The following DNAH11 variants were observed in gnomAD, a reference collection of about 807,000 sequenced individuals.
DNAH11 encodes dynein axonemal heavy chain 11, also known as axonemal beta dynein heavy chain 11.
DNAH11 carries 442 observed loss-of-function variants against 526.0 expected under a neutral mutation model. That is an observed-to-expected ratio of 0.84 (90% CI 0.78 to 0.91). The LOEUF (loss-of-function observed/expected upper bound fraction) is 0.91. DNAH11 is among the 40% of genes least tolerant of loss of function. The probability of loss-of-function intolerance (pLI) is 0.00; values close to 1 mark genes in which losing one functional copy is unlikely to be tolerated. For synonymous variants in DNAH11, 2,461 were observed against 1,935.9 expected (o/e 1.27, Z -7.12); for missense variants, 6,989 against 5,448.7 (o/e 1.28, Z -8.90).
At chr7:21,627,103 G>T (rs113138509) in intron 25 of DNAH11, among the ~76,000 whole-genome samples, 5,089 of 152,174 alleles carry the variant, frequency 0.033, 293 homozygotes, top group African/African-American at 0.12. Flanking sequence ...TTTAAAATCA[G>T]ATTGGGGTTT....
intron 60 of DNAH11, 36 bp downstream of exon 60, chr7:21,787,619 C>T: frequency 6.5e-7 from 1 of 1,530,084 alleles, no homozygotes; most frequent in Non-Finnish European, 8.8e-7. Flanking sequence ...CAGATGTTCT[C>T]CACAAAGGGC....
At chr7:21,878,377 T>G (rs192418345) in intron 74 of DNAH11, among the ~76,000 whole-genome samples, 1 of 152,376 alleles carries the variant, frequency 6.6e-6, no homozygotes, top group East Asian at 1.9e-4. Flanking sequence ...GTGGACTATC[T>G]GTAATTCAGA....
chr7:21,710,536 A>G lies in DNAH11; in HGVS notation c.6684-17A>G. On this transcript the variant is annotated splice_polypyrimidine_tract_variant and intron_variant, in intron 40 of 81. Transcript: ENST00000409508. Reference sequence around the variant, plus strand: ...CTATCGTAGAAATAAACAGCACTCAACTACATTATATATTAGGATTGTTTA... The same window carrying G: ...CTATCGTAGAAATAAACAGCACTCAGCTACATTATATATTAGGATTGTTTA... 6.3e-7 allele frequency: 1 copy of G among 1,580,768 alleles called. No individual in the cohort carries two copies. Among genetic ancestry groups the G allele is most frequent in the Non-Finnish European group, 8.6e-7 (1 of 1,159,058 alleles).
At chr7:21,735,982 A>C in intron 46 of DNAH11, 138 bp downstream of exon 46, 1 of 827,018 alleles carries the variant, frequency 1.2e-6, no homozygotes, top group Admixed American at 3.1e-5. Context: ...TGTACTTATC[A>C]TCCTTGTTAA....
chr7:21,761,591 A>T (rs1449318149), intron 54 of DNAH11, among the ~76,000 whole-genome samples: 2 of 152,148 alleles, frequency 1.3e-5, no homozygotes, highest in Non-Finnish European at 2.9e-5. Context: ...CGCATTGCTG[A>T]GTCCCACCTC....
chr7:21,642,598 C>T (rs1787179250), intron 28 of DNAH11, among the ~76,000 whole-genome samples: 1 of 152,118 alleles, frequency 6.6e-6, no homozygotes, highest in African/African-American at 2.4e-5. Flanking sequence ...GATAACATGG[C>T]AACTGCAGCT....
chr7:21,561,339 A>G (rs1314707786), intron 5 of DNAH11, 169 bp downstream of exon 5: 1 of 557,466 alleles, frequency 1.8e-6, no homozygotes, highest in Non-Finnish European at 3.1e-6. Context: ...CTCCACCCAT[A>G]CTAAACTACT....
intron 56 of DNAH11, among the ~76,000 whole-genome samples, chr7:21,775,701 G>T (rs747284622): frequency 6.6e-6 from 1 of 151,828 alleles, no homozygotes. Flanking sequence ...CTCCATGTCA[G>T]TTTTCTTCTA....
chr7:21,587,421 A>AG (rs1784510656), intron 9 of DNAH11, among the ~76,000 whole-genome samples: 2 of 152,080 alleles, frequency 1.3e-5, no homozygotes, highest in Non-Finnish European at 2.9e-5. Context: ...TGATAATTTT[A>AG]GCCAGCATGG....
rs1422820467 is a variant in DNAH11 at position 21,707,503 on chromosome 7, CTGAG to C, written c.6547-194_6547-191del. On this transcript the variant is annotated intron_variant, in intron 39 of 81. Transcript: ENST00000409508. ...AGTCAAGTGAACTGATTCTGTCTTGCTGAGTATTTGTAAGATGAAGCTTTTCAAG... is the reference window on the plus strand; with the variant it reads ...AGTCAAGTGAACTGATTCTGTCTTGCTATTTGTAAGATGAAGCTTTTCAAG... Among the ~76,000 whole-genome samples, 3 of 152,338 alleles carry C rather than the reference CTGAG, an allele frequency of 2.0e-5. No homozygotes were observed. In the East Asian group the frequency reaches 5.8e-4, roughly 29 times the overall value.
At chr7:21,694,705 A>G (rs1783775024) in intron 35 of DNAH11, among the ~76,000 whole-genome samples, 1 of 152,178 alleles carries the variant, frequency 6.6e-6, no homozygotes, top group Non-Finnish European at 1.5e-5. Flanking sequence ...AATCCCTTGG[A>G]TATATGCCCA....
intron 20 of DNAH11, among the ~76,000 whole-genome samples, chr7:21,607,961 G>C (rs1188902921): frequency 8.6e-6 from 1 of 115,834 alleles, no homozygotes; most frequent in South Asian, 2.9e-4. Flanking sequence ...AAAAAAAAAA[G>C]GCTTGTATAA....
chr7:21,896,368 T>C (rs1139225), intron 79 of DNAH11, among the ~76,000 whole-genome samples: 18,023 of 152,200 alleles, frequency 0.12, 1,389 homozygotes, highest in African/African-American at 0.22. Context: ...CGTAGAATTA[T>C]AGGACACGAT....
intron 12 of DNAH11, among the ~76,000 whole-genome samples, chr7:21,590,381 A>G (rs1025202220): frequency 6.6e-6 from 1 of 152,198 alleles, no homozygotes; most frequent in Non-Finnish European, 1.5e-5. Context: ...ATCTATTTGT[A>G]ATTTCCATGA....
At chr7:21,643,428 A>G (rs1396289477) in intron 28 of DNAH11, among the ~76,000 whole-genome samples, 1 of 152,150 alleles carries the variant, frequency 6.6e-6, no homozygotes, top group Non-Finnish European at 1.5e-5. Context: ...TAACTTCTCC[A>G]TAAAGGTTAG....
chr7:21,805,754 G>C (rs891965549), intron 62 of DNAH11, among the ~76,000 whole-genome samples: 2 of 152,090 alleles, frequency 1.3e-5, no homozygotes. Context: ...ATTTAGACAA[G>C]GAAGGGAAAA....
At position 21,571,917 on chromosome 7, in the gene DNAH11, G is replaced by A; in HGVS notation, c.1537G>A (p.Glu513Lys). The part of the protein sequence containing the change: ...QVHEMSEELM[E>K]LCKLFKQSTY... ...CCACGAGATGAGTGAAGAACTTATGGAACTCTGTAAACTTTTTAAACAGAG... is the reference window on the plus strand; with the variant it reads ...CCACGAGATGAGTGAAGAACTTATGAAACTCTGTAAACTTTTTAAACAGAG... Residue 513 changes from glutamate (E) to lysine (K), a missense_variant, in exon 8 of 82, where the codon GAA (glutamate) becomes AAA (lysine). Glu to Lys is a moderately conservative substitution (Grantham distance 56, BLOSUM62 1). Coordinates refer to ENST00000409508, the MANE Select transcript of DNAH11 (RefSeq NM_001277115.2). 6.2e-7 allele frequency: 1 copy of A among 1,611,496 alleles called. No homozygotes were observed. The highest frequency in any genetic ancestry group is 1.3e-5 in the African/African-American group (1 of 74,968).
chr7:21,662,727 T>C (rs562396080), intron 30 of DNAH11, among the ~76,000 whole-genome samples: 1 of 152,240 alleles, frequency 6.6e-6, no homozygotes, highest in South Asian at 2.1e-4. Flanking sequence ...AACTGAAATT[T>C]TGTGTCCTTT....
At chr7:21,636,714 G>A (rs1786881828) in intron 26 of DNAH11, among the ~76,000 whole-genome samples, 1 of 152,134 alleles carries the variant, frequency 6.6e-6, no homozygotes, top group African/African-American at 2.4e-5. Flanking sequence ...ACTCCAGCCT[G>A]GGTGACAGAA....
Sources: gnomAD v4.1 joint callset for allele counts (sites outside exome capture counted in the v4.1 genomes callset) on GRCh38, gnomAD v4.1.1 for gene constraint, MANE v1.5 for transcripts, NCBI Gene and HGNC (gene_info 2026-07-23, HGNC 2026-07-21) for gene names.